Variants in TMEM132C observed in about 807,000 individuals in gnomAD.
TMEM132C encodes the protein transmembrane protein 132C.
A neutral mutation model predicts 61.4 loss-of-function variants in TMEM132C; 29 were observed. The observed-to-expected ratio is 0.47, with a 90% confidence interval of 0.35 to 0.64. TMEM132C has a LOEUF of 0.64. Among genes scored for constraint, TMEM132C ranks in the 30% least tolerant of loss-of-function variants. The pLI is 0.00. For synonymous variants in TMEM132C, 656 were observed against 633.1 expected, an observed-to-expected ratio of 1.04 and a Z score of -0.54; for missense variants, 1,408 against 1,476.9, an observed-to-expected ratio of 0.95 and a Z score of 0.76.
At chr12:128,448,592 ACCTTCTTT>A (rs1593057269) in intron 2 of TMEM132C, among the ~76,000 whole-genome samples, 3 of 152,224 alleles carry the variant, frequency 2.0e-5, no homozygotes, top group African/African-American at 7.2e-5. Flanking sequence ...TGCTTTTGCC[ACCTTCTTT>A]CGGCCACAAC....
At chr12:128,663,987 C>T (rs576262450) in intron 4 of TMEM132C, among the ~76,000 whole-genome samples, 7 of 146,516 alleles carry the variant, frequency 4.8e-5, no homozygotes, top group South Asian at 2.2e-4. Flanking sequence ...CACGCACGCA[C>T]GCGGGCACTC....
chr12:128,465,129 T>C (rs985447152), intron 2 of TMEM132C, among the ~76,000 whole-genome samples: 1 of 152,062 alleles, frequency 6.6e-6, no homozygotes, highest in Non-Finnish European at 1.5e-5. Context: ...TCCAAATGTC[T>C]CCTTCTTTAA....
intron 2 of TMEM132C, among the ~76,000 whole-genome samples, chr12:128,507,384 CT>C (rs573964437): frequency 0.052 from 5,787 of 111,474 alleles, 111 homozygotes; most frequent in Admixed American, 0.06. Flanking sequence ...GTGTTTTTTT[CT>C]TTTTTTTTTT....
At chr12:128,279,876 A>G (rs1870835062) in intron 1 of TMEM132C, among the ~76,000 whole-genome samples, 2 of 152,184 alleles carry the variant, frequency 1.3e-5, no homozygotes, top group South Asian at 4.1e-4. Context: ...TTAAAGCTCC[A>G]TGAGAACAGA....
chr12:128,303,627 T>C (rs1593003914), intron 1 of TMEM132C, among the ~76,000 whole-genome samples: 1 of 152,354 alleles, frequency 6.6e-6, no homozygotes, highest in South Asian at 2.1e-4. Flanking sequence ...AGTTTGCACG[T>C]GGAACTGCTG....
chr12:128,611,970 T>G (rs1876649555), intron 3 of TMEM132C, among the ~76,000 whole-genome samples: 2 of 152,212 alleles, frequency 1.3e-5, no homozygotes, highest in African/African-American at 4.8e-5. Flanking sequence ...TTTCTTCAAC[T>G]TAGACAATCA....
intron 2 of TMEM132C, among the ~76,000 whole-genome samples, chr12:128,520,551 G>A (rs1872874366): frequency 6.6e-6 from 1 of 152,160 alleles, no homozygotes; most frequent in African/African-American, 2.4e-5. Context: ...GAATTTCTTA[G>A]CCTCAACACT....
At chr12:128,367,368 A>G (rs1200002702) in intron 1 of TMEM132C, among the ~76,000 whole-genome samples, 1 of 152,220 alleles carries the variant, frequency 6.6e-6, no homozygotes, top group Non-Finnish European at 1.5e-5. Context: ...ATTATGCAAA[A>G]TGGTCACCTT....
intron 2 of TMEM132C, among the ~76,000 whole-genome samples, chr12:128,502,248 C>T (rs1415761265): frequency 1.3e-5 from 2 of 152,104 alleles, no homozygotes; most frequent in Admixed American, 6.5e-5. Context: ...AAGGGAGAGA[C>T]AAACACATGA....
intron 3 of TMEM132C, among the ~76,000 whole-genome samples, chr12:128,583,458 G>T (rs1450675934): frequency 6.6e-6 from 1 of 152,008 alleles, no homozygotes; most frequent in Admixed American, 6.5e-5. Context: ...TTGCTCTGCA[G>T]GTGGAAAAGA....
chr12:128,477,530 T>C (rs1871189422), intron 2 of TMEM132C, among the ~76,000 whole-genome samples: 2 of 152,104 alleles, frequency 1.3e-5, no homozygotes, highest in Non-Finnish European at 2.9e-5. Flanking sequence ...AGACAACTAA[T>C]ACAGTATATT....
chr12:128,598,447 AAGTC>A (rs1217773396), intron 3 of TMEM132C, among the ~76,000 whole-genome samples: 1 of 151,996 alleles, frequency 6.6e-6, no homozygotes, highest in African/African-American at 2.4e-5. Flanking sequence ...AAGAAAAAAA[AAGTC>A]AGAGGAATGA....
At chr12:128,352,396 C>T (rs1158455949) in intron 1 of TMEM132C, among the ~76,000 whole-genome samples, 1 of 152,094 alleles carries the variant, frequency 6.6e-6, no homozygotes, top group East Asian at 1.9e-4. Flanking sequence ...GAACCATGAC[C>T]ATGATTCAGT....
At chr12:128,312,857 TC>T (rs1160156936) in intron 1 of TMEM132C, among the ~76,000 whole-genome samples, 1 of 152,194 alleles carries the variant, frequency 6.6e-6, no homozygotes, top group Non-Finnish European at 1.5e-5. Context: ...CTCAGTGAAA[TC>T]AATGATGGTT....
At chr12:128,423,808 C>T (rs549306495) in intron 2 of TMEM132C, among the ~76,000 whole-genome samples, 14 of 151,692 alleles carry the variant, frequency 9.2e-5, no homozygotes, top group East Asian at 7.8e-4. Context: ...CTGAGGCGGG[C>T]GGATCATGAG....
At chr12:128,506,172 A>T (rs981556672) in intron 2 of TMEM132C, among the ~76,000 whole-genome samples, 2 of 152,220 alleles carry the variant, frequency 1.3e-5, no homozygotes, top group South Asian at 2.1e-4. Flanking sequence ...CAGCTAGCAG[A>T]CACGTCTCTA....
chr12:128,380,409 G>A (rs916167393), intron 1 of TMEM132C, among the ~76,000 whole-genome samples: 3 of 152,242 alleles, frequency 2.0e-5, no homozygotes, highest in South Asian at 2.1e-4. Context: ...TACCAGACCT[G>A]TAATGCCTTG....
intron 1 of TMEM132C, among the ~76,000 whole-genome samples, chr12:128,403,189 C>T (rs921869982): frequency 6.6e-6 from 1 of 152,160 alleles, no homozygotes; most frequent in Admixed American, 6.5e-5. Context: ...GAGAGAGAGA[C>T]ATTCTGTGTC....
At chr12:128,378,689 A>G (rs1874301238) in intron 1 of TMEM132C, among the ~76,000 whole-genome samples, 1 of 152,134 alleles carries the variant, frequency 6.6e-6, no homozygotes. Context: ...TTCACAGTTC[A>G]CTAGGCACAA....
Sources: allele counts gnomAD v4.1 joint callset (sites outside exome capture counted in the v4.1 genomes callset), GRCh38; gene constraint gnomAD v4.1.1; transcripts MANE v1.5; gene names NCBI Gene and HGNC (gene_info 2026-07-23, HGNC 2026-07-21).